LINGO2: variants seen among roughly 807,000 people sequenced by gnomAD.
LINGO2 encodes the protein leucine-rich repeat and immunoglobulin-like domain-containing nogo receptor-interacting protein 2.
A neutral mutation model predicts 30.6 loss-of-function variants in LINGO2; 14 were observed. That is an observed-to-expected ratio of 0.46 (90% CI 0.30 to 0.72). The LOEUF is 0.72. Ranked by LOEUF, LINGO2 falls within the 30% of genes least tolerant of loss-of-function variation. LINGO2 has a pLI of 0.07. For synonymous variants in LINGO2, 317 were observed against 288.5 expected (o/e 1.10, Z -1.00); for missense variants, 729 against 751.7 (o/e 0.97, Z 0.35).
At chr9:29,190,565 A>C in the LINGO2 span, among the ~76,000 whole-genome samples, 7 of 152,190 alleles carry the variant, frequency 4.6e-5, no homozygotes, top group African/African-American at 1.7e-4. Flanking sequence ...AAAATAGGTA[A>C]GAAGTGCTGC....
the LINGO2 span, among the ~76,000 whole-genome samples, chr9:28,716,720 A>G: frequency 2.0e-5 from 3 of 152,098 alleles, no homozygotes; most frequent in African/African-American, 7.2e-5. Flanking sequence ...AGGTAGCTAG[A>G]CAATTCATTT....
Position 27,974,369 on chromosome 9 carries a change from G to A in LINGO2, c.-35-23663C>T, listed in dbSNP as rs564739530. ...TATCAGCGGTCATAACAGGTCTTCA[G>A]AGAAAGCTTTTTAGGGGGCTTTTGA... is the stretch of plus-strand genomic sequence containing the variant. On this transcript the variant is annotated intron_variant, in intron 5 of 5. Coordinates refer to ENST00000379992, the Ensembl canonical transcript of LINGO2. 2.2e-4 allele frequency among the ~76,000 whole-genome samples: 33 copies of A among 152,274 alleles called. No homozygotes were observed. In the South Asian group the frequency reaches 4.8e-3, roughly 22 times the overall value.
the LINGO2 span, among the ~76,000 whole-genome samples, chr9:28,734,494 T>G: frequency 6.6e-6 from 1 of 152,198 alleles, no homozygotes; most frequent in South Asian, 2.1e-4. Context: ...TACTGTATTG[T>G]TATCTCCCTT....
At position 28,089,596 on chromosome 9, in the gene LINGO2, C is replaced by T. The variant is rs1026037695; in HGVS notation, c.-86-77191G>A. ...AGAGGGAAATTTATAGCACTAAAGG[C>T]CCACAAGAGAAAGCAGGAAAGATCT... On this transcript the variant is annotated intron_variant, in intron 4 of 5. Coordinates refer to ENST00000379992, the Ensembl canonical transcript of LINGO2. Among the ~76,000 whole-genome samples, 111 of 152,030 alleles carry T rather than the reference C, an allele frequency of 7.3e-4. 1 individual carries two copies. Among genetic ancestry groups the T allele is most frequent in the Non-Finnish European group, 1.3e-3 (85 of 67,998 alleles).
chr9:28,791,453 A>G, the LINGO2 span, among the ~76,000 whole-genome samples: 3 of 152,074 alleles, frequency 2.0e-5, no homozygotes, highest in Non-Finnish European at 4.4e-5. Flanking sequence ...CAATTAGTAA[A>G]CGATAAAGGA....
At chr9:28,242,377 T>G (rs555147437) in intron 4 of LINGO2, among the ~76,000 whole-genome samples, 45 of 151,658 alleles carry the variant, frequency 3.0e-4, no homozygotes, top group Admixed American at 2.2e-3. Flanking sequence ...AGTATCAGAG[T>G]TGGAAGACTA....
chr9:28,834,906 G>A, the LINGO2 span, among the ~76,000 whole-genome samples: 26 of 152,156 alleles, frequency 1.7e-4, no homozygotes, highest in East Asian at 5.8e-4. Flanking sequence ...ACCATGTCTC[G>A]CCTTGTTTAC....
At chr9:29,067,766 A>C in the LINGO2 span, among the ~76,000 whole-genome samples, 2 of 151,010 alleles carry the variant, frequency 1.3e-5, no homozygotes, top group African/African-American at 4.8e-5. Context: ...AAAAAAAAAA[A>C]AAAACCCACT....
intron 3 of LINGO2, among the ~76,000 whole-genome samples, chr9:28,309,485 T>C (rs1312640594): frequency 1.3e-5 from 2 of 151,192 alleles, no homozygotes; most frequent in African/African-American, 4.9e-5. Flanking sequence ...TAATGCAAAA[T>C]GATGAGTTAA....
At chr9:29,125,748 G>A in the LINGO2 span, among the ~76,000 whole-genome samples, 1 of 152,078 alleles carries the variant, frequency 6.6e-6, no homozygotes, top group Non-Finnish European at 1.5e-5. Flanking sequence ...GTAGATTAAT[G>A]TAAAATTAAT....
Position 28,465,553 on chromosome 9 carries a change from G to A in LINGO2, c.-279+10387C>T, listed in dbSNP as rs114128258. ...GGGCCACAAATTCAGGCTTGAGGGT[G>A]GAGCCCTTGCCAGGGACTCCGCCCT... On this transcript the variant is annotated intron_variant, in intron 2 of 5. Transcript: ENST00000379992. Among the ~76,000 whole-genome samples, 373 of 152,200 alleles carry A rather than the reference G, an allele frequency of 2.5e-3. 2 individuals carry two copies. Among genetic ancestry groups the A allele is most frequent in the African/African-American group, 8.5e-3 (355 of 41,538 alleles).
the LINGO2 span, among the ~76,000 whole-genome samples, chr9:28,704,122 T>A: frequency 6.6e-6 from 1 of 152,034 alleles, no homozygotes; most frequent in African/African-American, 2.4e-5. Flanking sequence ...AAAAGCAGGT[T>A]TATTGATGAT....
At chr9:28,235,120 G>A (rs531498637) in intron 4 of LINGO2, among the ~76,000 whole-genome samples, 2 of 152,252 alleles carry the variant, frequency 1.3e-5, no homozygotes, top group South Asian at 4.1e-4. Context: ...CAGTGGTGGT[G>A]GCCACAAGGG....
chr9:28,889,076 T>C, the LINGO2 span: 1,939 of 371,104 alleles, frequency 5.2e-3, 42 homozygotes, highest in African/African-American at 0.038. Flanking sequence ...GTGCTTGTGA[T>C]TCTTTTCAAA....
Position 28,148,065 on chromosome 9 carries a change from TC to T in LINGO2, c.-86-135661del. 1 of 1,076,644 alleles carries T rather than the reference TC, an allele frequency of 9.3e-7. No individual in the cohort carries two copies. Among genetic ancestry groups the T allele is most frequent in the Non-Finnish European group, 1.2e-6 (1 of 861,328 alleles). 66.7% of individuals were successfully genotyped at this position (1,076,644 alleles called of 1,614,324 possible). A position where few individuals can be genotyped will look rare whatever the true frequency, so the allele number is the denominator to read the frequency against. On this transcript the variant is annotated intron_variant, in intron 4 of 5. Coordinates refer to ENST00000379992, the Ensembl canonical transcript of LINGO2. The surrounding 1 kb of genome is among the most constrained non-coding windows in gnomAD (Gnocchi z 5.1). ...TGCCATTGGCAACCTGCTCGTCTTG[TC>T]CATGAGGCCTTCCCAGCTGGCCGGG...
intron 4 of LINGO2, among the ~76,000 whole-genome samples, chr9:28,063,877 T>C (rs924328160): frequency 6.6e-6 from 1 of 152,176 alleles, no homozygotes; most frequent in African/African-American, 2.4e-5. Context: ...CAATCCTTTT[T>C]GGTTTCCTGC....
rs79982100 is a variant in LINGO2 at position 27,980,910 on chromosome 9, A to G, written c.-35-30204T>C. Among the ~76,000 whole-genome samples, 219 of 152,008 alleles carry G rather than the reference A, an allele frequency of 1.4e-3. 7 individuals are homozygous for G. In the East Asian group the frequency reaches 0.032, roughly 22 times the overall value. On this transcript the variant is annotated intron_variant, in intron 5 of 5. Transcript: ENST00000379992. ...ATGTGACATAATGAATTAGGAACTA[A>G]AGGCAATTTGAAGATTTGTGCCCTA...
the LINGO2 span, among the ~76,000 whole-genome samples, chr9:29,141,690 A>G: frequency 6.6e-6 from 1 of 152,010 alleles, no homozygotes; most frequent in East Asian, 1.9e-4. Context: ...CATAGGCTAA[A>G]AGCAAAAGGA....
the LINGO2 span, among the ~76,000 whole-genome samples, chr9:28,894,599 T>C: frequency 6.6e-6 from 1 of 151,970 alleles, no homozygotes; most frequent in Non-Finnish European, 1.5e-5. Flanking sequence ...AATTAACTTT[T>C]TATATTGTGA....
Sources: allele counts gnomAD v4.1 joint callset (sites outside exome capture counted in the v4.1 genomes callset), GRCh38; gene constraint gnomAD v4.1.1; non-coding constraint Gnocchi (gnomAD v3.1); transcripts MANE v1.5; gene names NCBI Gene and HGNC (gene_info 2026-07-23, HGNC 2026-07-21).